DDX10: variants seen among roughly 807,000 people sequenced by gnomAD.
The protein encoded by DDX10 is DEAD-box helicase 10.
DDX10 carries 74 observed loss-of-function variants against 104.3 expected under a neutral mutation model. That is an observed-to-expected ratio of 0.71 (90% CI 0.59 to 0.86). The LOEUF is 0.86. Among genes scored for constraint, DDX10 ranks in the 40% least tolerant of loss-of-function variants. The pLI, the probability that DDX10 is intolerant of heterozygous loss-of-function variation, is 0.00. For synonymous variants in DDX10, 351 were observed against 353.4 expected, an observed-to-expected ratio of 0.99 and a Z score of 0.08; for missense variants, 952 against 1,040.0, an observed-to-expected ratio of 0.92 and a Z score of 1.16.
intron 13 of DDX10, among the ~76,000 whole-genome samples, chr11:108,736,054 G>A (rs2094317919): frequency 6.6e-6 from 1 of 152,014 alleles, no homozygotes; most frequent in African/African-American, 2.4e-5. Flanking sequence ...TTGCTGAAGG[G>A]TTAATGTTGT....
At chr11:108,870,265 T>A (rs899459851) in intron 16 of DDX10, among the ~76,000 whole-genome samples, 1 of 152,222 alleles carries the variant, frequency 6.6e-6, no homozygotes, top group Non-Finnish European at 1.5e-5. Flanking sequence ...TTCTAACTAG[T>A]CTGCTAGTCT....
At chr11:108,888,210 A>G (rs988396954) in intron 16 of DDX10, among the ~76,000 whole-genome samples, 6 of 151,996 alleles carry the variant, frequency 3.9e-5, no homozygotes, top group Non-Finnish European at 7.4e-5. Flanking sequence ...CATAAACCAT[A>G]AAAAAAACCT....
intron 15 of DDX10, among the ~76,000 whole-genome samples, chr11:108,846,810 T>G (rs1166734362): frequency 7.8e-6 from 1 of 127,498 alleles, no homozygotes; most frequent in African/African-American, 2.9e-5. Context: ...TCTAACTGGT[T>G]TAGAGTACAA....
chr11:108,722,312 C>T (rs549064321), intron 12 of DDX10, among the ~76,000 whole-genome samples: 171 of 152,226 alleles, frequency 1.1e-3, no homozygotes, highest in Admixed American at 4.0e-3. Flanking sequence ...TATTTCCCTT[C>T]GATCATTGAG....
intron 16 of DDX10, among the ~76,000 whole-genome samples, chr11:108,853,865 C>CTA (rs1862828984): frequency 6.6e-6 from 1 of 152,204 alleles, no homozygotes; most frequent in Non-Finnish European, 1.5e-5. Context: ...TATGTAACCA[C>CTA]TAAGCATCGG....
chr11:108,726,233 T>G (rs1401013397), intron 13 of DDX10, among the ~76,000 whole-genome samples: 2 of 152,104 alleles, frequency 1.3e-5, no homozygotes, highest in Non-Finnish European at 2.9e-5. Flanking sequence ...GGCATTTTCA[T>G]GTAAGGTTTT....
intron 13 of DDX10, among the ~76,000 whole-genome samples, chr11:108,788,185 G>A (rs1861820829): frequency 6.6e-6 from 1 of 152,114 alleles, no homozygotes; most frequent in African/African-American, 2.4e-5. Context: ...TTGGAGATAA[G>A]GGAACACACT....
intron 16 of DDX10, among the ~76,000 whole-genome samples, chr11:108,867,431 T>G (rs896289845): frequency 5.9e-5 from 9 of 152,162 alleles, no homozygotes; most frequent in Admixed American, 6.5e-5. Flanking sequence ...GGTTGTTCAA[T>G]TTAGGCCAAT....
At chr11:108,733,915 G>A (rs1227206054) in intron 13 of DDX10, among the ~76,000 whole-genome samples, 1 of 151,728 alleles carries the variant, frequency 6.6e-6, no homozygotes, top group African/African-American at 2.4e-5. Context: ...CTATCCTATT[G>A]TCCTGCGAGA....
In DDX10 at chr11:108,778,783, A is replaced by C. The variant is rs550007725; in HGVS notation, c.1965+55321A>C. Among the ~76,000 whole-genome samples, 11 of 152,334 alleles carry C rather than the reference A, an allele frequency of 7.2e-5. 1 individual carries two copies. The South Asian group carries it at 1.7e-3, about 23-fold the overall frequency. ...ACCTACAGAATGGGAGAAAGTTTTT[A>C]CAATCTACCCATCTGACAAAGGGCT... On this transcript the variant is annotated intron_variant, in intron 13 of 17. Coordinates refer to ENST00000322536, the MANE Select transcript of DDX10 (RefSeq NM_004398.4).
intron 16 of DDX10, among the ~76,000 whole-genome samples, chr11:108,881,469 A>G (rs1227816745): frequency 2.6e-5 from 4 of 152,168 alleles, no homozygotes; most frequent in Non-Finnish European, 5.9e-5. Flanking sequence ...CTTTCAATTC[A>G]GTAATATATA....
chr11:108,688,763 G>A (rs1338929474), intron 6 of DDX10, among the ~76,000 whole-genome samples, 173 bp from the exon 7 acceptor site: 2 of 152,180 alleles, frequency 1.3e-5, no homozygotes, highest in African/African-American at 4.8e-5. Flanking sequence ...TTAAAGTAAT[G>A]TGTTGAATTT....
intron 16 of DDX10, among the ~76,000 whole-genome samples, chr11:108,861,891 C>T (rs970880612): frequency 1.2e-4 from 19 of 152,074 alleles, no homozygotes; most frequent in African/African-American, 4.6e-4. Context: ...CTGGGCATTG[C>T]GGTGCATGCC....
At chr11:108,922,740 G>T (rs751400562) in intron 17 of DDX10, among the ~76,000 whole-genome samples, 4 of 152,222 alleles carry the variant, frequency 2.6e-5, no homozygotes, top group Non-Finnish European at 4.4e-5. Context: ...AGTTTAGTTA[G>T]CATGACTAAA....
At chr11:108,707,522 T>C (rs1425630480) in intron 10 of DDX10, among the ~76,000 whole-genome samples, 1 of 152,168 alleles carries the variant, frequency 6.6e-6, no homozygotes, top group African/African-American at 2.4e-5. Context: ...TGAAGGAGAT[T>C]TTTTTGTTAG....
intron 16 of DDX10, among the ~76,000 whole-genome samples, chr11:108,868,769 G>C (rs1217077047): frequency 6.6e-6 from 1 of 152,028 alleles, no homozygotes; most frequent in Non-Finnish European, 1.5e-5. Flanking sequence ...CTATGTCTTT[G>C]TGGCAGTGCT....
intron 13 of DDX10, among the ~76,000 whole-genome samples, chr11:108,761,849 C>T (rs1392249791): frequency 6.6e-6 from 1 of 151,932 alleles, no homozygotes; most frequent in Non-Finnish European, 1.5e-5. Context: ...TGTGGAAGAC[C>T]ATACGTTACT....
At chr11:108,844,711 C>A (rs1862689757) in intron 15 of DDX10, among the ~76,000 whole-genome samples, 1 of 151,986 alleles carries the variant, frequency 6.6e-6, no homozygotes, top group Admixed American at 6.5e-5. Context: ...CTGACTGGGA[C>A]TTTGCTTTCC....
intron 12 of DDX10, 84 bp from the exon 13 acceptor site, chr11:108,722,913 C>CT (rs1217828973): frequency 1.1e-5 from 16 of 1,467,932 alleles, no homozygotes; most frequent in Non-Finnish European, 2.7e-6. Flanking sequence ...CTAGGAATCT[C>CT]TGCTCTTGAG....
Sources: allele counts gnomAD v4.1 joint callset (sites outside exome capture counted in the v4.1 genomes callset), GRCh38; gene constraint gnomAD v4.1.1; transcripts MANE v1.5; gene names NCBI Gene and HGNC (gene_info 2026-07-23, HGNC 2026-07-21).